The following SPMIP4 variants were observed in gnomAD, a reference collection of about 807,000 sequenced individuals.
SPMIP4 encodes sperm-associated microtubule inner protein 4.
chr7:25,175,605 C>T, the SPMIP4 span, among the ~76,000 whole-genome samples: 11,854 of 152,136 alleles, frequency 0.078, 1,526 homozygotes, highest in African/African-American at 0.27. Context: ...AAAAGGGTGT[C>T]CCTTTAAGTA....
chr7:25,158,209 A>G, the SPMIP4 span, among the ~76,000 whole-genome samples: 1 of 151,178 alleles, frequency 6.6e-6, no homozygotes, highest in Admixed American at 6.6e-5. Flanking sequence ...CTCTACAAAA[A>G]TTACAAAAAT....
At chr7:25,179,176 T>C in the SPMIP4 span, 1 of 1,599,112 alleles carries the variant, frequency 6.3e-7, no homozygotes, top group Non-Finnish European at 8.5e-7. Flanking sequence ...TTGTTTTACC[T>C]GTCCTCTGAG....
the SPMIP4 span, among the ~76,000 whole-genome samples, chr7:25,170,026 G>C: frequency 1.3e-5 from 2 of 152,024 alleles, no homozygotes; most frequent in Admixed American, 1.3e-4. Context: ...TCAAGTTTTG[G>C]TTTGAATACC....
the SPMIP4 span, among the ~76,000 whole-genome samples, chr7:25,160,160 G>A: frequency 1.7e-5 from 2 of 114,858 alleles, no homozygotes; most frequent in African/African-American, 5.2e-5. Flanking sequence ...GGGATAAACC[G>A]AGACAACCAC....
the SPMIP4 span, among the ~76,000 whole-genome samples, chr7:25,169,209 G>A: frequency 6.6e-6 from 1 of 151,970 alleles, no homozygotes; most frequent in African/African-American, 2.4e-5. Context: ...GGGCAACATA[G>A]CAAGACCCTG....
chr7:25,167,208 G>A, the SPMIP4 span, among the ~76,000 whole-genome samples: 1 of 152,186 alleles, frequency 6.6e-6, no homozygotes, highest in African/African-American at 2.4e-5. Flanking sequence ...GCAGATAAAT[G>A]AATAAACAGA....
At chr7:25,158,645 A>AT in the SPMIP4 span, 2 of 798,046 alleles carry the variant, frequency 2.5e-6, no homozygotes, top group Non-Finnish European at 4.1e-6. Flanking sequence ...CATGCCTGTA[A>AT]TCCCAGCACT....
chr7:25,151,403 A>G, the SPMIP4 span, among the ~76,000 whole-genome samples: 1 of 152,056 alleles, frequency 6.6e-6, no homozygotes, highest in East Asian at 1.9e-4. Context: ...TGTATTTTCT[A>G]GTAGAGACAG....
chr7:25,144,701 AG>A, the SPMIP4 span, among the ~76,000 whole-genome samples: 1 of 152,232 alleles, frequency 6.6e-6, no homozygotes, highest in Non-Finnish European at 1.5e-5. Flanking sequence ...CCACAGCCAG[AG>A]GAAGGCCAGA....
the SPMIP4 span, among the ~76,000 whole-genome samples, chr7:25,159,406 A>G: frequency 6.6e-6 from 1 of 152,220 alleles, no homozygotes; most frequent in African/African-American, 2.4e-5. Flanking sequence ...CTTGCATGCC[A>G]AGAAATAATC....
chr7:25,163,548 C>CA, the SPMIP4 span, among the ~76,000 whole-genome samples: 75 of 152,294 alleles, frequency 4.9e-4, no homozygotes, highest in Middle Eastern at 3.4e-3. The surrounding 1 kb of genome is among the most constrained non-coding windows in gnomAD (Gnocchi z 4.4). Context: ...GGTGCTTGCT[C>CA]AGTGGCTTCA....
the SPMIP4 span, among the ~76,000 whole-genome samples, chr7:25,176,831 C>T: frequency 6.6e-6 from 1 of 152,120 alleles, no homozygotes; most frequent in Non-Finnish European, 1.5e-5. The surrounding 1 kb of genome is among the most constrained non-coding windows in gnomAD (Gnocchi z 4.4). Flanking sequence ...CATTCTTTTT[C>T]TTTATTAGTA....
the SPMIP4 span, chr7:25,155,126 G>A: frequency 6.2e-7 from 1 of 1,613,126 alleles, no homozygotes; most frequent in Non-Finnish European, 8.5e-7. Flanking sequence ...TGAAGGTGGG[G>A]AACATGGCGC....
chr7:25,144,705 A>C, the SPMIP4 span, among the ~76,000 whole-genome samples: 2 of 152,228 alleles, frequency 1.3e-5, no homozygotes, highest in African/African-American at 2.4e-5. Flanking sequence ...AGCCAGAGGA[A>C]GGCCAGAACT....
chr7:25,134,745 C>T, the SPMIP4 span: 7 of 985,246 alleles, frequency 7.1e-6, no homozygotes, highest in East Asian at 7.9e-4. Context: ...AATTCCATTC[C>T]AGTGATCTAC....
chr7:25,126,067 AC>A, the SPMIP4 span: 1 of 281,166 alleles, frequency 3.6e-6, no homozygotes, highest in East Asian at 1.8e-4. Flanking sequence ...ATATATATAT[AC>A]TTAAGAGGTA....
At chr7:25,175,456 GA>G in the SPMIP4 span, among the ~76,000 whole-genome samples, 3 of 150,648 alleles carry the variant, frequency 2.0e-5, no homozygotes, top group Non-Finnish European at 3.0e-5. Context: ...ATTGTGAAAA[GA>G]AAAAAAAAGT....
the SPMIP4 span, among the ~76,000 whole-genome samples, chr7:25,128,718 G>A: frequency 1.5e-4 from 23 of 152,192 alleles, no homozygotes; most frequent in African/African-American, 5.3e-4. The surrounding 1 kb of genome is among the most constrained non-coding windows in gnomAD (Gnocchi z 4.5). Context: ...TATCCAAGTC[G>A]CAAGACAAAG....
At chr7:25,136,914 T>C in the SPMIP4 span, 3 of 920,438 alleles carry the variant, frequency 3.3e-6, no homozygotes, top group Non-Finnish European at 4.9e-6. The surrounding 1 kb of genome is among the most constrained non-coding windows in gnomAD (Gnocchi z 5.7). Flanking sequence ...GAGTGTACAT[T>C]GCAATGCTCT....
Sources: allele counts gnomAD v4.1 joint callset (sites outside exome capture counted in the v4.1 genomes callset), GRCh38; gene constraint gnomAD v4.1.1; non-coding constraint Gnocchi (gnomAD v3.1); transcripts MANE v1.5; gene names NCBI Gene and HGNC (gene_info 2026-07-23, HGNC 2026-07-21).